ATXN7L1: variants seen among roughly 807,000 people sequenced by gnomAD.
ATXN7L1 encodes ataxin-7-like protein 1.
Under a neutral mutation model 70.8 loss-of-function variants are expected in ATXN7L1, and 15 were observed. The observed-to-expected ratio is 0.21, with a 90% CI of 0.14 to 0.33. The LOEUF is 0.33. Among genes scored for constraint, ATXN7L1 ranks in the 10% least tolerant of loss-of-function variants. The probability of loss-of-function intolerance (pLI) is 1.00; values close to 1 mark genes in which losing one functional copy is unlikely to be tolerated. For missense variants in ATXN7L1, 975 were observed against 1,097.1 expected, an observed-to-expected ratio of 0.89 and a Z score of 1.57; for synonymous variants, 440 against 445.1, an observed-to-expected ratio of 0.99 and a Z score of 0.14.
chr7:105,661,421 G>T (rs1354915345), intron 4 of ATXN7L1, among the ~76,000 whole-genome samples: 1 of 152,054 alleles, frequency 6.6e-6, no homozygotes. Flanking sequence ...TTGGGCTGAG[G>T]GACTAACTCT....
intron 6 of ATXN7L1, 29 bp from the exon 7 acceptor site, chr7:105,638,638 C>G: frequency 6.5e-7 from 1 of 1,533,542 alleles, no homozygotes; most frequent in Non-Finnish European, 8.8e-7. Context: ...AAAAGCACAG[C>G]CTCTTTGATC....
intron 3 of ATXN7L1, among the ~76,000 whole-genome samples, chr7:105,772,378 T>G (rs1354425250): frequency 6.6e-6 from 1 of 152,182 alleles, no homozygotes; most frequent in Non-Finnish European, 1.5e-5. Flanking sequence ...CTGGCCAGAT[T>G]GGACTTTTTA....
chr7:105,762,029 G>C (rs1424868677), intron 3 of ATXN7L1, among the ~76,000 whole-genome samples: 1 of 152,202 alleles, frequency 6.6e-6, no homozygotes, highest in Non-Finnish European at 1.5e-5. Context: ...CTGCTACATG[G>C]AATCCATTTA....
intron 3 of ATXN7L1, among the ~76,000 whole-genome samples, chr7:105,680,745 T>C (rs1020413587): frequency 6.6e-6 from 1 of 152,168 alleles, no homozygotes; most frequent in African/African-American, 2.4e-5. Flanking sequence ...TTGCAATGCT[T>C]AGAAGAAACA....
At chr7:105,799,007 T>C (rs1002593497) in intron 2 of ATXN7L1, among the ~76,000 whole-genome samples, 34 of 152,194 alleles carry the variant, frequency 2.2e-4, no homozygotes, top group Non-Finnish European at 3.8e-4. Flanking sequence ...AATTTAGAAA[T>C]GGACCAAATA....
chr7:105,666,670 G>GT (rs1802662375), intron 3 of ATXN7L1, among the ~76,000 whole-genome samples: 1 of 152,182 alleles, frequency 6.6e-6, no homozygotes, highest in South Asian at 2.1e-4. Flanking sequence ...CAATTGCTGG[G>GT]TTTCTTTGCT....
intron 3 of ATXN7L1, chr7:105,761,151 G>A: frequency 8.0e-6 from 10 of 1,249,902 alleles, no homozygotes; most frequent in East Asian, 3.6e-5. Context: ...CCAGCTTTGT[G>A]GTGGTGAAAA....
intron 2 of ATXN7L1, among the ~76,000 whole-genome samples, chr7:105,842,421 G>A (rs1008642647): frequency 2.6e-5 from 4 of 151,902 alleles, no homozygotes; most frequent in Non-Finnish European, 5.9e-5. Context: ...TCCTCTCTAC[G>A]GATTGCCCTA....
chr7:105,695,419 G>A (rs568440977), intron 3 of ATXN7L1, among the ~76,000 whole-genome samples: 45 of 152,176 alleles, frequency 3.0e-4, no homozygotes, highest in Non-Finnish European at 5.0e-4. Context: ...TCCACAGTGT[G>A]GGGGGAGCTT....
At chr7:105,868,222 C>A (rs147764371) in intron 2 of ATXN7L1, among the ~76,000 whole-genome samples, 16 of 152,296 alleles carry the variant, frequency 1.1e-4, no homozygotes, top group Non-Finnish European at 1.6e-4. Flanking sequence ...GAGGCCCCCC[C>A]ACCATGACCT....
At chr7:105,825,289 G>A (rs962191326) in intron 2 of ATXN7L1, among the ~76,000 whole-genome samples, 6 of 152,132 alleles carry the variant, frequency 3.9e-5, no homozygotes, top group African/African-American at 7.2e-5. Context: ...TGAGCAGGAC[G>A]AAGACAGGCT....
intron 3 of ATXN7L1, among the ~76,000 whole-genome samples, chr7:105,668,919 AT>A (rs879770410): frequency 3.4e-5 from 5 of 148,212 alleles, no homozygotes; most frequent in Non-Finnish European, 4.5e-5. Context: ...ATATATATAT[AT>A]TTTTTTTTTG....
At chr7:105,789,103 G>A (rs764967344) in intron 2 of ATXN7L1, among the ~76,000 whole-genome samples, 18 of 152,326 alleles carry the variant, frequency 1.2e-4, no homozygotes, top group South Asian at 4.1e-4. Flanking sequence ...CATAAGCAGC[G>A]GTCCCTCAGG....
intron 3 of ATXN7L1, among the ~76,000 whole-genome samples, chr7:105,755,116 T>C (rs1318729068): frequency 6.6e-6 from 1 of 152,212 alleles, no homozygotes; most frequent in Non-Finnish European, 1.5e-5. Flanking sequence ...TCATCGCCGG[T>C]TTCCAGAGTC....
In ATXN7L1 at chr7:105,614,207, T is replaced by C. The variant is rs950863714; in HGVS notation, c.2127A>G (p.Pro709=). Residue 709 remains proline, a synonymous_variant, in exon 10 of 12, where the codon CCA becomes CCG. Transcript: ENST00000419735. This position sits in a 1 kb window ranked among gnomAD's most constrained non-coding sequence, Gnocchi z 4.3. ...CTGAGGGCTCCAGTTTGGCACTGAG[T>C]GGGCTCACCCCATTGTTTGAGTTGT... is the stretch of plus-strand genomic sequence containing the variant. ...SVHNSNNGVS[P]LSAKLEPSGR... is the part of the protein sequence containing the mutation. The C allele has an allele frequency of 3.2e-6, 5 of 1,551,674 alleles. No homozygotes were observed. The highest frequency in any genetic ancestry group is 3.5e-6 in the Non-Finnish European group (4 of 1,146,990).
chr7:105,853,680 C>T (rs1815249694), intron 2 of ATXN7L1, among the ~76,000 whole-genome samples: 1 of 152,118 alleles, frequency 6.6e-6, no homozygotes, highest in East Asian at 1.9e-4. Context: ...AGGAGAATTC[C>T]TTGAACCTGG....
intron 3 of ATXN7L1, among the ~76,000 whole-genome samples, chr7:105,688,803 T>C (rs1790337690): frequency 6.6e-6 from 1 of 152,198 alleles, no homozygotes; most frequent in Non-Finnish European, 1.5e-5. Context: ...AGTCTACAAG[T>C]ACACGGAGCA....
At chr7:105,662,106 CTT>C (rs768527097) in intron 4 of ATXN7L1, among the ~76,000 whole-genome samples, 2 of 74,682 alleles carry the variant, frequency 2.7e-5, no homozygotes, top group Non-Finnish European at 3.1e-5. Context: ...CTTTTCTTTT[CTT>C]TTTTTTTTTT....
intron 3 of ATXN7L1, among the ~76,000 whole-genome samples, chr7:105,736,594 T>C (rs1438883379): frequency 6.6e-6 from 1 of 152,146 alleles, no homozygotes; most frequent in Admixed American, 6.5e-5. Flanking sequence ...CATGCCAAAG[T>C]TTGGGCAAAA....
Sources: allele counts gnomAD v4.1 joint callset (sites outside exome capture counted in the v4.1 genomes callset), GRCh38; gene constraint gnomAD v4.1.1; non-coding constraint Gnocchi (gnomAD v3.1); transcripts MANE v1.5; gene names NCBI Gene and HGNC (gene_info 2026-07-23, HGNC 2026-07-21).